IFT81: variants seen among roughly 807,000 people sequenced by gnomAD.
The protein encoded by IFT81 is intraflagellar transport protein 81 homolog.
A neutral mutation model predicts 102.6 loss-of-function variants in IFT81; 72 were observed. That is an observed-to-expected ratio of 0.70 (90% confidence interval 0.58 to 0.85). The LOEUF is 0.85. IFT81 is among the 40% of genes least tolerant of loss of function. The probability of loss-of-function intolerance (pLI) is 0.00; values close to 1 mark genes in which losing one functional copy is unlikely to be tolerated. For synonymous variants in IFT81, 237 were observed against 242.7 expected (o/e 0.98, Z 0.22); for missense variants, 723 against 787.3 (o/e 0.92, Z 0.98).
chr12:110,147,898 C>T (rs1252880016), intron 10 of IFT81, among the ~76,000 whole-genome samples: 1 of 152,140 alleles, frequency 6.6e-6, no homozygotes, highest in Non-Finnish European at 1.5e-5. Flanking sequence ...TTAACCACAA[C>T]ATACCACATC....
rs1380467382 is a variant in IFT81 at position 110,218,753 on chromosome 12, CAAAT to C, written c.*531_*534del. On this transcript the variant is annotated 3_prime_UTR_variant, in exon 19 of 19. Coordinates refer to ENST00000242591, the MANE Select transcript of IFT81 (RefSeq NM_014055.4). ...CTTTTCTGTTTGTATCATTTAAAGG[CAAAT>C]AAACTTGGTACGTATTTCATATCTA... The C allele has an allele frequency of 4.6e-5, 7 of 152,156 alleles. No homozygotes were observed. Among genetic ancestry groups the C allele is most frequent in the African/African-American group, 1.7e-4 (7 of 41,444 alleles). The allele number at this position is 152,156 out of a possible 1,614,324, so 9.4% of individuals were successfully genotyped here.
intron 1 of IFT81, 72 bp from the exon 2 acceptor site, chr12:110,127,288 C>A: frequency 7.6e-7 from 1 of 1,307,574 alleles, no homozygotes; most frequent in Non-Finnish European, 1.0e-6. Flanking sequence ...GTTGTATGAA[C>A]TTAATTCTGG....
In IFT81 at chr12:110,209,162, A is replaced by G; in HGVS notation, c.1803-9A>G. The G allele has an allele frequency of 6.8e-7, 1 of 1,476,134 alleles. No individual in the cohort carries two copies. Among genetic ancestry groups the G allele is most frequent in the Non-Finnish European group, 9.4e-7 (1 of 1,067,580 alleles). 91.4% of individuals were successfully genotyped at this position (1,476,134 alleles called of 1,614,324 possible). A position where few individuals can be genotyped will look rare whatever the true frequency, so the allele number is the denominator to read the frequency against. On this transcript the variant is annotated splice_polypyrimidine_tract_variant and intron_variant, in intron 17 of 18. Transcript: ENST00000242591. ...AAATTGAAAGTAAATCATTATGTTG[A>G]CTCCCTAGGGAACAGTATACCAAAA...
intron 1 of IFT81, 71 bp from the exon 2 acceptor site, chr12:110,127,289 T>G: frequency 7.6e-7 from 1 of 1,315,228 alleles, no homozygotes; most frequent in Non-Finnish European, 1.0e-6. Flanking sequence ...TTGTATGAAC[T>G]TAATTCTGGT....
At chr12:110,126,299 A>C (rs1030532649) in intron 1 of IFT81, among the ~76,000 whole-genome samples, 3 of 149,962 alleles carry the variant, frequency 2.0e-5, no homozygotes, top group African/African-American at 7.4e-5. Context: ...AAAAAAAAGC[A>C]CAAGATCAAA....
chr12:110,184,873 A>G (rs1244601500), intron 12 of IFT81, among the ~76,000 whole-genome samples: 4 of 152,214 alleles, frequency 2.6e-5, no homozygotes, highest in African/African-American at 4.8e-5. Flanking sequence ...TGGTGCAAAC[A>G]TGATGATGGA....
At chr12:110,186,116 T>C (rs761654188) in intron 12 of IFT81, among the ~76,000 whole-genome samples, 9 of 152,216 alleles carry the variant, frequency 5.9e-5, no homozygotes, top group African/African-American at 9.6e-5. Context: ...ACCTTCATTT[T>C]GAAGCACATT....
At chr12:110,126,017 G>C (rs1893815793) in intron 1 of IFT81, among the ~76,000 whole-genome samples, 1 of 152,118 alleles carries the variant, frequency 6.6e-6, no homozygotes, top group South Asian at 2.1e-4. Context: ...GGTGGCTCAC[G>C]CCTGTAATTC....
rs995503055 is a variant in IFT81, at chr12:110,201,249, G to A, written c.1558-2615G>A. 1.1e-4 allele frequency among the ~76,000 whole-genome samples: 16 copies of A among 150,856 alleles called. No individual in the cohort carries two copies. In the East Asian group the frequency reaches 2.4e-3, roughly 23 times the overall value. Reference sequence around the variant, plus strand: ...GAAACCTTGTCTCTACTAAAAATACGAAATTATCTGGTCATGGTGGCACAT... The same window carrying A: ...GAAACCTTGTCTCTACTAAAAATACAAAATTATCTGGTCATGGTGGCACAT... On this transcript the variant is annotated intron_variant, in intron 14 of 18. Coordinates refer to ENST00000242591, the MANE Select transcript of IFT81 (RefSeq NM_014055.4).
At chr12:110,178,139 C>T (rs1397872896) in intron 11 of IFT81, among the ~76,000 whole-genome samples, 1 of 147,728 alleles carries the variant, frequency 6.8e-6, no homozygotes, top group Non-Finnish European at 1.5e-5. Context: ...GTGGGCTGGG[C>T]ACAGTTGCTC....
At chr12:110,211,483 G>A (rs939168624) in intron 18 of IFT81, among the ~76,000 whole-genome samples, 6 of 152,086 alleles carry the variant, frequency 3.9e-5, no homozygotes, top group African/African-American at 7.2e-5. Flanking sequence ...GAGCCACCTC[G>A]TCTGGCCTTA....
chr12:110,179,759 T>G (rs1221976834), intron 11 of IFT81, among the ~76,000 whole-genome samples: 1 of 64,974 alleles, frequency 1.5e-5, no homozygotes, highest in Non-Finnish European at 2.8e-5. Context: ...TATATATATA[T>G]ATATATATAT....
intron 4 of IFT81, among the ~76,000 whole-genome samples, chr12:110,130,182 T>A (rs1447221376): frequency 6.6e-6 from 1 of 152,172 alleles, no homozygotes; most frequent in African/African-American, 2.4e-5. Context: ...CAAATAATTA[T>A]GTCAGATGTC....
chr12:110,129,191 A>G, intron 4 of IFT81, 61 bp downstream of exon 4: 9 of 1,235,682 alleles, frequency 7.3e-6, no homozygotes, highest in South Asian at 4.1e-5. Flanking sequence ...ATATATTCAA[A>G]TACATGTTAC....
intron 5 of IFT81, among the ~76,000 whole-genome samples, chr12:110,132,906 G>A (rs1894256536): frequency 6.6e-6 from 1 of 150,894 alleles, no homozygotes; most frequent in South Asian, 2.1e-4. Flanking sequence ...AAGTAAACCA[G>A]AATAATGACA....
At chr12:110,192,581 C>CT in intron 13 of IFT81, 36 bp from the exon 14 acceptor site, 1 of 1,116,854 alleles carries the variant, frequency 9.0e-7, no homozygotes. Context: ...TTTTTGAATT[C>CT]TTTTTTAGGT....
At chr12:110,140,966 A>G (rs935917762) in intron 8 of IFT81, among the ~76,000 whole-genome samples, 20 of 151,684 alleles carry the variant, frequency 1.3e-4, no homozygotes, top group African/African-American at 4.6e-4. Context: ...ACCTCAGGTG[A>G]TCCGCCCGCC....
At chr12:110,217,695 G>A (rs1335662378) in intron 18 of IFT81, among the ~76,000 whole-genome samples, 1 of 152,040 alleles carries the variant, frequency 6.6e-6, no homozygotes, top group Non-Finnish European at 1.5e-5. Flanking sequence ...CCGAGTAGCT[G>A]GGACTACAGG....
chr12:110,171,959 C>T (rs1896753960), intron 11 of IFT81: 2 of 152,108 alleles, frequency 1.3e-5, no homozygotes, highest in South Asian at 2.1e-4. Flanking sequence ...GCTTATACAT[C>T]GTTTGATGAA....
Sources: gnomAD v4.1 joint callset for allele counts (sites outside exome capture counted in the v4.1 genomes callset) on GRCh38, gnomAD v4.1.1 for gene constraint, MANE v1.5 for transcripts, NCBI Gene and HGNC (gene_info 2026-07-23, HGNC 2026-07-21) for gene names.